PRSS55: variants seen among roughly 807,000 people sequenced by gnomAD.
PRSS55 encodes the protein serine protease 55, also known as probable serine protease UNQ9391/PRO34284.
PRSS55 carries 41 observed loss-of-function variants against 23.6 expected under a neutral mutation model. The observed-to-expected ratio is 1.74, with a 90% CI of 1.35 to 2.26. PRSS55 has a LOEUF of 2.26. Among genes scored for constraint, PRSS55 ranks in the 30% most tolerant of loss-of-function variants. PRSS55 has a pLI of 0.00. For synonymous variants in PRSS55, 262 were observed against 175.5 expected (o/e 1.49, Z -3.90); for missense variants, 669 against 439.1 (o/e 1.52, Z -4.68).
intron 4 of PRSS55, among the ~76,000 whole-genome samples, chr8:10,534,700 T>G (rs1401763831): frequency 2.0e-5 from 3 of 152,146 alleles, no homozygotes; most frequent in Non-Finnish European, 4.4e-5. Flanking sequence ...AACATAGTAC[T>G]AGAAGTCTTA....
In PRSS55 at chr8:10,544,887, T is replaced by C. The variant is rs1218667081; in HGVS notation, c.742-9056T>C. The C allele has an allele frequency of 5.4e-5, 24 of 441,066 alleles. 1 individual carries two copies. Among genetic ancestry groups the C allele is most frequent in the Non-Finnish European group, 7.2e-5 (24 of 332,460 alleles). The allele number at this position is 441,066 out of a possible 1,614,324, so 27.3% of individuals were successfully genotyped here. A position where few individuals can be genotyped will look rare whatever the true frequency, so the allele number is the denominator to read the frequency against. On this transcript the variant is annotated intron_variant, in intron 4 of 4. Transcript: ENST00000522210. ...AAAATACCTCACTATAATTGTTACATTATTTAACTTTATGTCTCATAGATT... is the reference window on the plus strand; with the variant it reads ...AAAATACCTCACTATAATTGTTACACTATTTAACTTTATGTCTCATAGATT...
intron 4 of PRSS55, among the ~76,000 whole-genome samples, chr8:10,551,357 G>T (rs1351454381): frequency 6.6e-6 from 1 of 152,154 alleles, no homozygotes; most frequent in Non-Finnish European, 1.5e-5. Context: ...TCCTGTTATT[G>T]AATCAGAATA....
intron 3 of PRSS55, among the ~76,000 whole-genome samples, 159 bp from the exon 4 acceptor site, chr8:10,532,747 C>G (rs1421859743): frequency 1.3e-5 from 2 of 151,626 alleles, no homozygotes; most frequent in Non-Finnish European, 2.9e-5. Context: ...GGGTAAGTTG[C>G]AGGCATGGGG....
At chr8:10,542,099 CG>C (rs1415988550), downstream of PRSS55, among the ~76,000 whole-genome samples, 1 of 152,056 alleles carries the variant, frequency 6.6e-6, no homozygotes. Flanking sequence ...GTGAAAGCAA[CG>C]TTTTGTCATG....
At chr8:10,533,266 A>G (rs1223692282) in intron 4 of PRSS55, among the ~76,000 whole-genome samples, 2 of 152,162 alleles carry the variant, frequency 1.3e-5, no homozygotes, top group African/African-American at 4.8e-5. Context: ...CTGCTTAACT[A>G]TTTCTGATCT....
chr8:10,526,461 T>A (rs781625389), intron 1 of PRSS55, among the ~76,000 whole-genome samples: 7 of 152,184 alleles, frequency 4.6e-5, no homozygotes, highest in Non-Finnish European at 1.0e-4. Context: ...CTGGCCTCCT[T>A]CAGTCCAGCC....
In PRSS55 at chr8:10,536,795, A is replaced by G. The variant is rs1812471065; in HGVS notation, c.742-1681A>G. Among the ~76,000 whole-genome samples the G allele has an allele frequency of 2.0e-5, 3 of 152,382 alleles. No individual in the cohort carries two copies. In the South Asian group the frequency reaches 6.2e-4, roughly 32 times the overall value. On this transcript the variant is annotated intron_variant, in intron 4 of 4. Coordinates refer to ENST00000328655, the MANE Select transcript of PRSS55 (RefSeq NM_198464.4). The stretch of plus-strand genomic sequence containing the variant: ...AACCAAATATCGCATGTTCTCACTT[A>G]TAAGTTGGAACTAAATGTTGAATAC...
At chr8:10,532,496 G>C (rs1812304215) in intron 3 of PRSS55, among the ~76,000 whole-genome samples, 1 of 152,132 alleles carries the variant, frequency 6.6e-6, no homozygotes, top group African/African-American at 2.4e-5. Flanking sequence ...TTTTTCACCG[G>C]GAGTGCAAAC....
At position 10,525,753 on chromosome 8, in the gene PRSS55, C is replaced by A; in HGVS notation, c.154+14C>A. On this transcript the variant is annotated intron_variant, in intron 1 of 4. Transcript: ENST00000328655. ...GCCCAGTCAGTGGTGAGTACAGGGGCAGAAGGGGCATGGATGGGGGCTCAT... is the reference window on the plus strand; with the variant it reads ...GCCCAGTCAGTGGTGAGTACAGGGGAAGAAGGGGCATGGATGGGGGCTCAT... 6.3e-7 allele frequency: 1 copy of A among 1,583,024 alleles called. No individual in the cohort carries two copies. The highest frequency in any genetic ancestry group is 8.6e-7 in the Non-Finnish European group (1 of 1,163,136).
At position 10,529,982 on chromosome 8, in the gene PRSS55, T is replaced by A. The variant is rs1409721273; in HGVS notation, c.347+283T>A. ...CTGTGGCTTGATGGAGCCAAGCGGC[T>A]TGGTCCAAATGCCTCTCCTAGGGCA... On this transcript the variant is annotated intron_variant, in intron 2 of 4. Coordinates refer to ENST00000328655, the MANE Select transcript of PRSS55 (RefSeq NM_198464.4). Among the ~76,000 whole-genome samples the A allele has an allele frequency of 3.3e-5, 5 of 152,200 alleles. No homozygotes were observed. In the East Asian group the frequency reaches 7.7e-4, roughly 23 times the overall value.
Position 10,551,282 on chromosome 8 carries a change from G to T in PRSS55, c.742-2661G>T, listed in dbSNP as rs566259503. On this transcript the variant is annotated intron_variant, in intron 4 of 4. Coordinates refer to the PRSS55 transcript ENST00000522210. ...TCTTTTCTTCTAAGACAATGAGCTTGTGAGGCAGAAACACCCTTGGCTTTA... is the reference window on the plus strand; with the variant it reads ...TCTTTTCTTCTAAGACAATGAGCTTTTGAGGCAGAAACACCCTTGGCTTTA... 7.2e-5 allele frequency among the ~76,000 whole-genome samples: 11 copies of T among 152,276 alleles called. 1 individual carries two copies. The highest frequency in any genetic ancestry group is 2.6e-4 in the African/African-American group (11 of 41,572).
intron 4 of PRSS55, among the ~76,000 whole-genome samples, chr8:10,550,928 T>A (rs1170278251): frequency 1.3e-5 from 2 of 152,242 alleles, no homozygotes; most frequent in Non-Finnish European, 2.9e-5. Flanking sequence ...CACATTCAGA[T>A]GACACTGAAT....
intron 4 of PRSS55, among the ~76,000 whole-genome samples, chr8:10,533,260 TTAAC>T (rs2117032307): frequency 6.6e-6 from 1 of 152,364 alleles, no homozygotes; most frequent in South Asian, 2.1e-4. Context: ...GCAACCCTGC[TTAAC>T]TATTTCTGAT....
At chr8:10,532,101 G>A (rs1280817457) in intron 3 of PRSS55, among the ~76,000 whole-genome samples, 1 of 152,224 alleles carries the variant, frequency 6.6e-6, no homozygotes, top group East Asian at 1.9e-4. Flanking sequence ...ATAGGGGAGG[G>A]GAGGGGATGA....
At position 10,525,576 on chromosome 8, in the gene PRSS55, G is replaced by A; in HGVS notation, c.-10G>A. The A allele has an allele frequency of 6.2e-7, 1 of 1,613,418 alleles. No homozygotes were observed. The highest frequency in any genetic ancestry group is 8.5e-7 in the Non-Finnish European group (1 of 1,179,614). On this transcript the variant is annotated 5_prime_UTR_variant, in exon 1 of 5. Coordinates refer to ENST00000328655, the MANE Select transcript of PRSS55 (RefSeq NM_198464.4). Reference sequence around the variant, plus strand: ...CTGTCACCCCCGGGCCCACAGCACAGCCCAGGGCCATGCTCCTGTTCTCAG... The same window carrying A: ...CTGTCACCCCCGGGCCCACAGCACAACCCAGGGCCATGCTCCTGTTCTCAG...
intron 2 of PRSS55, among the ~76,000 whole-genome samples, chr8:10,531,027 TAGAC>T (rs573534615): frequency 1.3e-5 from 2 of 152,308 alleles, no homozygotes; most frequent in South Asian, 4.1e-4. Context: ...TTTGCTGTAT[TAGAC>T]AGAAGCACCT....
At chr8:10,540,913 C>T (rs759680271), downstream of PRSS55, 9 of 152,534 alleles carry the variant, frequency 5.9e-5, no homozygotes, top group African/African-American at 2.2e-4. Context: ...CTGTCCACTC[C>T]ACTTTCCTGC....
At position 10,529,524 on chromosome 8, in the gene PRSS55, A is replaced by G. The variant is rs748699699; in HGVS notation, c.172A>G (p.Ile58Val). The change falls in exon 2 of 5, where the codon ATT becomes GTT. Residue 58 changes from isoleucine (I) to valine (V), a missense_variant. Coordinates refer to ENST00000328655, the MANE Select transcript of PRSS55 (RefSeq NM_198464.4). ...SPVSECGDRS[I>V]FEGRTRYSRI... is the part of the protein sequence containing the mutation. ...TCCACCAGAATGTGGTGACAGATCT[A>G]TTTTCGAGGGAAGAACTCGGTATTC... The G allele has an allele frequency of 5.7e-5, 92 of 1,613,842 alleles. 3 individuals carry two copies. The Admixed American group carries it at 9.5e-4, about 17-fold the overall frequency.
At chr8:10,531,997 C>G (rs970515856) in intron 3 of PRSS55, among the ~76,000 whole-genome samples, 3 of 151,968 alleles carry the variant, frequency 2.0e-5, no homozygotes, top group African/African-American at 7.3e-5. Flanking sequence ...GTTACTTGGC[C>G]AAAACAGAAG....
Sources: allele counts gnomAD v4.1 joint callset (sites outside exome capture counted in the v4.1 genomes callset), GRCh38; gene constraint gnomAD v4.1.1; transcripts MANE v1.5; gene names NCBI Gene and HGNC (gene_info 2026-07-23, HGNC 2026-07-21).